The following PACS1 variants were observed in gnomAD, a reference collection of about 807,000 sequenced individuals.
PACS1 encodes PACS-1.
PACS1 carries 24 observed loss-of-function variants against 115.0 expected under a neutral mutation model. The observed-to-expected ratio is 0.21, with a 90% CI of 0.15 to 0.29. PACS1 has a LOEUF of 0.29. Ranked by LOEUF, PACS1 falls within the 10% of genes least tolerant of loss-of-function variation. The pLI is 1.00. For synonymous variants in PACS1, 453 were observed against 504.5 expected (o/e 0.90, Z 1.37); for missense variants, 838 against 1,251.2 (o/e 0.67, Z 4.98).
intron 1 of PACS1, among the ~76,000 whole-genome samples, chr11:66,077,921 C>T (rs1213029032): frequency 1.3e-5 from 2 of 151,930 alleles, no homozygotes; most frequent in Non-Finnish European, 2.9e-5. Context: ...AGGCTGGTCT[C>T]GAACTCCTGA....
At chr11:66,215,057 T>G (rs1421480710) in intron 4 of PACS1, among the ~76,000 whole-genome samples, 3 of 151,976 alleles carry the variant, frequency 2.0e-5, no homozygotes, top group Non-Finnish European at 2.9e-5. Flanking sequence ...CTCAGCCTCC[T>G]GAGTAGCTGG....
chr11:66,231,494 G>A (rs949258109), intron 13 of PACS1, among the ~76,000 whole-genome samples: 2 of 152,240 alleles, frequency 1.3e-5, no homozygotes, highest in Non-Finnish European at 2.9e-5. Context: ...TGGTGTCAGA[G>A]ATCTGGGACA....
chr11:66,202,726 G>GGAAAAAAAAAA (rs1554988658), intron 2 of PACS1, among the ~76,000 whole-genome samples: 2 of 10,962 alleles, frequency 1.8e-4, no homozygotes, highest in East Asian at 3.7e-3. Context: ...TCATCTCTAG[G>GGAAAAAAAAAA]AAAAAAAAAA....
intron 1 of PACS1, among the ~76,000 whole-genome samples, chr11:66,093,141 C>A (rs1258789103): frequency 6.6e-6 from 1 of 152,176 alleles, no homozygotes; most frequent in Non-Finnish European, 1.5e-5. Flanking sequence ...ATTCTTCCTA[C>A]CCATGAGCAT....
At chr11:66,137,256 TTG>T (rs2134587932) in intron 1 of PACS1, among the ~76,000 whole-genome samples, 1 of 151,938 alleles carries the variant, frequency 6.6e-6, no homozygotes, top group South Asian at 2.1e-4. Flanking sequence ...GTGTGTGTGT[TTG>T]TGTTTGTGTG....
intron 1 of PACS1, among the ~76,000 whole-genome samples, chr11:66,105,495 C>T (rs1189533101): frequency 6.6e-6 from 1 of 152,106 alleles, no homozygotes; most frequent in Non-Finnish European, 1.5e-5. Context: ...AGGTCAAAAT[C>T]GTAGGCACAC....
At chr11:66,197,323 G>T (rs540197659) in intron 2 of PACS1, among the ~76,000 whole-genome samples, 2 of 152,186 alleles carry the variant, frequency 1.3e-5, no homozygotes, top group South Asian at 4.1e-4. Flanking sequence ...TTCGACTTCA[G>T]ATTTCCTAGT....
chr11:66,224,582 A>T (rs1237252729), intron 10 of PACS1, among the ~76,000 whole-genome samples: 2 of 152,102 alleles, frequency 1.3e-5, no homozygotes, highest in Non-Finnish European at 2.9e-5. Context: ...TAGAATCTAG[A>T]TGTCTTTTTA....
At chr11:66,238,064 G>C (rs1206309568) in intron 19 of PACS1, 2 of 985,238 alleles carry the variant, frequency 2.0e-6, no homozygotes, top group African/African-American at 3.5e-5. Flanking sequence ...ACCACAGCCT[G>C]GATGCTCACC....
At chr11:66,215,682 A>G (rs1372088286) in intron 4 of PACS1, among the ~76,000 whole-genome samples, 1 of 151,964 alleles carries the variant, frequency 6.6e-6, no homozygotes, top group Non-Finnish European at 1.5e-5. Context: ...GCAGATCATG[A>G]GGTCAGGAGT....
intron 2 of PACS1, among the ~76,000 whole-genome samples, chr11:66,196,291 A>G (rs1854648750): frequency 6.6e-6 from 1 of 152,236 alleles, no homozygotes; most frequent in Non-Finnish European, 1.5e-5. Flanking sequence ...GTGTTAATTT[A>G]TTATATCTCA....
intron 1 of PACS1, among the ~76,000 whole-genome samples, chr11:66,089,732 C>T (rs981857579): frequency 2.6e-5 from 4 of 152,066 alleles, no homozygotes; most frequent in African/African-American, 4.8e-5. Context: ...GGTGGCTGGG[C>T]GCGATGGCTC....
intron 1 of PACS1, among the ~76,000 whole-genome samples, chr11:66,115,041 CA>C (rs879695238): frequency 2.8e-4 from 40 of 144,008 alleles, no homozygotes; most frequent in Admixed American, 4.2e-4. Flanking sequence ...CCCATCTCTA[CA>C]AAAAAAAAAT....
chr11:66,210,546 C>G (rs1565148339), intron 3 of PACS1, 95 bp downstream of exon 3: 1 of 940,780 alleles, frequency 1.1e-6, no homozygotes, highest in Non-Finnish European at 1.7e-6. Flanking sequence ...CCCAGAGCCC[C>G]CATTCCCCAA....
At chr11:66,078,242 G>C (rs1303036316) in intron 1 of PACS1, among the ~76,000 whole-genome samples, 2 of 152,144 alleles carry the variant, frequency 1.3e-5, no homozygotes, top group Non-Finnish European at 2.9e-5. Context: ...AGAACTGTAT[G>C]CGTCTTAGAA....
intron 1 of PACS1, among the ~76,000 whole-genome samples, chr11:66,107,580 T>C (rs1032005209): frequency 6.6e-6 from 1 of 152,194 alleles, no homozygotes; most frequent in African/African-American, 2.4e-5. Flanking sequence ...TAAATATTTG[T>C]TGAATGAATG....
chr11:66,151,464 G>A (rs1158957871), intron 1 of PACS1, among the ~76,000 whole-genome samples: 1 of 152,090 alleles, frequency 6.6e-6, no homozygotes, highest in Non-Finnish European at 1.5e-5. Context: ...ATCCCTGGCT[G>A]TCTGCCAGAT....
rs937375847 is a variant in PACS1, at chr11:66,230,428, G to C, written c.1375-120G>C. On this transcript the variant is annotated intron_variant, in intron 11 of 23. Transcript: ENST00000320580. Reference sequence around the variant, plus strand: ...GGAGCTTTAGGACCACTTGCTTTCAGGAAAAGAAAATGAGTAACTCTCTCT... The same window carrying C: ...GGAGCTTTAGGACCACTTGCTTTCACGAAAAGAAAATGAGTAACTCTCTCT... 5 of 716,384 alleles carry C rather than the reference G, an allele frequency of 7.0e-6. No homozygotes were observed. The African/African-American group carries it at 8.9e-5, about 13-fold the overall frequency. The allele number at this position is 716,384 out of a possible 1,614,324, so 44.4% of individuals were successfully genotyped here. A position where few individuals can be genotyped will look rare whatever the true frequency, so the allele number is the denominator to read the frequency against.
chr11:66,123,189 CTTT>C (rs36008667), intron 1 of PACS1, among the ~76,000 whole-genome samples: 4 of 137,680 alleles, frequency 2.9e-5, no homozygotes, highest in Non-Finnish European at 4.6e-5. Context: ...AAATTGTTAG[CTTT>C]TTTTTTTTTT....
Sources: gnomAD v4.1 joint callset for allele counts (sites outside exome capture counted in the v4.1 genomes callset) on GRCh38, gnomAD v4.1.1 for gene constraint, MANE v1.5 for transcripts, NCBI Gene and HGNC (gene_info 2026-07-23, HGNC 2026-07-21) for gene names.